NEO1: variants seen among roughly 807,000 people sequenced by gnomAD.
The protein encoded by NEO1 is neogenin 1, also known as neogenin.
Under a neutral mutation model 159.7 loss-of-function variants are expected in NEO1, and 63 were observed. The observed-to-expected ratio is 0.39, with a 90% CI of 0.32 to 0.49. The LOEUF is 0.49. NEO1 is among the 20% of genes least tolerant of loss of function. The pLI, the probability that NEO1 is intolerant of heterozygous loss-of-function variation, is 0.85. For synonymous variants in NEO1, 633 were observed against 662.0 expected (o/e 0.96, Z 0.67); for missense variants, 1,615 against 1,831.0 (o/e 0.88, Z 2.15).
At chr15:73,233,535 T>C (rs1309731279) in intron 7 of NEO1, among the ~76,000 whole-genome samples, 1 of 152,154 alleles carries the variant, frequency 6.6e-6, no homozygotes, top group Non-Finnish European at 1.5e-5. Flanking sequence ...CAGAGGCATG[T>C]TGAGTGATTC....
intron 1 of NEO1, among the ~76,000 whole-genome samples, chr15:73,112,277 C>A (rs2071040816): frequency 6.6e-6 from 1 of 152,000 alleles, no homozygotes; most frequent in African/African-American, 2.4e-5. Flanking sequence ...CATCCAGCCA[C>A]CTATTTGTAT....
rs144580805 is a variant in NEO1, at chr15:73,208,249, C to T, written c.1292-28098C>T. Reference sequence around the variant, plus strand: ...TAAGCTATCTTTCTTTTAAATAGTACGTAGCAAAGAAGTTTGTGCCATTTC... The same window carrying T: ...TAAGCTATCTTTCTTTTAAATAGTATGTAGCAAAGAAGTTTGTGCCATTTC... On this transcript the variant is annotated intron_variant, in intron 7 of 28. Coordinates refer to ENST00000261908, the MANE Select transcript of NEO1 (RefSeq NM_002499.4). Among the ~76,000 whole-genome samples, 373 of 152,250 alleles carry T rather than the reference C, an allele frequency of 2.4e-3. 4 individuals carry two copies. Among genetic ancestry groups the T allele is most frequent in the African/African-American group, 8.5e-3 (353 of 41,540 alleles).
chr15:73,168,529 G>C (rs182603181), intron 5 of NEO1, among the ~76,000 whole-genome samples: 2 of 152,034 alleles, frequency 1.3e-5, no homozygotes, highest in Admixed American at 6.6e-5. Context: ...TCAGATGGAT[G>C]AGTACCTGTT....
chr15:73,282,305 T>TC (rs1470961085), intron 22 of NEO1, among the ~76,000 whole-genome samples: 2 of 152,188 alleles, frequency 1.3e-5, no homozygotes, highest in Admixed American at 1.3e-4. Context: ...TTTATCCCAT[T>TC]CCCCCGCCAA....
chr15:73,122,003 T>C (rs1170130469), intron 2 of NEO1, among the ~76,000 whole-genome samples: 1 of 150,506 alleles, frequency 6.6e-6, no homozygotes, highest in Admixed American at 6.6e-5. Context: ...TGAAGTAATA[T>C]GGATGCTGCA....
chr15:73,138,430 T>C (rs892257090), intron 5 of NEO1, among the ~76,000 whole-genome samples: 2 of 152,180 alleles, frequency 1.3e-5, no homozygotes, highest in African/African-American at 4.8e-5. Context: ...ATAAAAGATA[T>C]ACCTGGGAAA....
intron 7 of NEO1, among the ~76,000 whole-genome samples, chr15:73,214,241 CTG>C (rs2037752144): frequency 6.6e-6 from 1 of 152,156 alleles, no homozygotes; most frequent in African/African-American, 2.4e-5. Context: ...ACTCTGCTGA[CTG>C]TTACTTTTGC....
At chr15:73,224,959 G>A (rs1266134641) in intron 7 of NEO1, among the ~76,000 whole-genome samples, 1 of 152,162 alleles carries the variant, frequency 6.6e-6, no homozygotes, top group Non-Finnish European at 1.5e-5. Flanking sequence ...ATCTAGAGCT[G>A]AAGGTTGTTG....
At chr15:73,218,171 C>T (rs1473570715) in intron 7 of NEO1, among the ~76,000 whole-genome samples, 2 of 152,156 alleles carry the variant, frequency 1.3e-5, no homozygotes, top group Non-Finnish European at 2.9e-5. Flanking sequence ...TTTTCTGCAT[C>T]TGTTGAGGTA....
intron 7 of NEO1, among the ~76,000 whole-genome samples, chr15:73,207,309 TTAAATA>T (rs2037295914): frequency 6.6e-6 from 1 of 152,100 alleles, no homozygotes; most frequent in Non-Finnish European, 1.5e-5. Context: ...CTTAAAAACA[TTAAATA>T]ATCTACACAG....
intron 26 of NEO1, 71 bp from the exon 27 acceptor site, chr15:73,298,277 T>G: frequency 6.3e-7 from 1 of 1,586,154 alleles, no homozygotes; most frequent in Non-Finnish European, 8.6e-7. Context: ...CCCCTAGAAG[T>G]AGCCAAACTG....
intron 7 of NEO1, among the ~76,000 whole-genome samples, chr15:73,231,426 C>G (rs1473392266): frequency 1.3e-5 from 2 of 152,122 alleles, no homozygotes; most frequent in Non-Finnish European, 2.9e-5. Flanking sequence ...GGCCTGCTTC[C>G]TCTTGCTATA....
At chr15:73,083,236 A>G (rs1178350569) in intron 1 of NEO1, among the ~76,000 whole-genome samples, 2 of 152,156 alleles carry the variant, frequency 1.3e-5, no homozygotes, top group Non-Finnish European at 2.9e-5. Flanking sequence ...TTGGTTAGAA[A>G]GCAATTGTGG....
At chr15:73,201,954 C>CTTTTTTTTTTTTT (rs1206304409) in intron 7 of NEO1, among the ~76,000 whole-genome samples, 1 of 83,458 alleles carries the variant, frequency 1.2e-5, no homozygotes, top group Non-Finnish European at 2.2e-5. Flanking sequence ...CTATATCATT[C>CTTTTTTTTTTTTT]TTTTTTTTTT....
intron 1 of NEO1, among the ~76,000 whole-genome samples, chr15:73,053,133 C>G (rs781491511): frequency 6.6e-6 from 1 of 152,104 alleles, no homozygotes; most frequent in Non-Finnish European, 1.5e-5. Context: ...TTCTTGTGCT[C>G]ACACTAGCAC....
chr15:73,294,037 G>T (rs569871010), intron 26 of NEO1, among the ~76,000 whole-genome samples: 1 of 152,318 alleles, frequency 6.6e-6, no homozygotes, highest in South Asian at 2.1e-4. Context: ...ACGAGGAGTT[G>T]TGTGTATTGT....
chr15:73,076,959 A>C (rs1309920810), intron 1 of NEO1, among the ~76,000 whole-genome samples: 1 of 152,204 alleles, frequency 6.6e-6, no homozygotes, highest in African/African-American at 2.4e-5. Flanking sequence ...TTATCAGAAA[A>C]AGTTCAGAAA....
intron 7 of NEO1, among the ~76,000 whole-genome samples, chr15:73,225,803 A>G (rs2038550745): frequency 6.6e-6 from 1 of 152,108 alleles, no homozygotes; most frequent in Non-Finnish European, 1.5e-5. Flanking sequence ...AGTTCTGGCC[A>G]GGAGGGTTCT....
intron 5 of NEO1, among the ~76,000 whole-genome samples, chr15:73,142,753 C>A (rs757552570): frequency 2.6e-5 from 4 of 152,164 alleles, no homozygotes; most frequent in African/African-American, 7.2e-5. Flanking sequence ...AAGAGTGCGT[C>A]AGATCTGCTA....
Sources: gnomAD v4.1 joint callset for allele counts (sites outside exome capture counted in the v4.1 genomes callset) on GRCh38, gnomAD v4.1.1 for gene constraint, MANE v1.5 for transcripts, NCBI Gene and HGNC (gene_info 2026-07-23, HGNC 2026-07-21) for gene names.